Variants in NEDD9 observed in about 807,000 individuals in gnomAD.
NEDD9 encodes the protein enhancer of filamentation 1.
NEDD9 carries 26 observed loss-of-function variants against 76.6 expected under a neutral mutation model. The observed-to-expected ratio is 0.34, with a 90% confidence interval of 0.25 to 0.47. The LOEUF is 0.47. Among genes scored for constraint, NEDD9 ranks in the 20% least tolerant of loss-of-function variants. The pLI is 1.00. For missense variants in NEDD9, 937 were observed against 1,058.5 expected, an observed-to-expected ratio of 0.89 and a Z score of 1.59; for synonymous variants, 392 against 414.2, an observed-to-expected ratio of 0.95 and a Z score of 0.65.
chr6:11,289,972 T>C (rs984586109), intron 3 of NEDD9, among the ~76,000 whole-genome samples: 2 of 152,172 alleles, frequency 1.3e-5, no homozygotes, highest in Non-Finnish European at 2.9e-5. Flanking sequence ...ACCTCTGTAA[T>C]GGTAAAGTCA....
intron 1 of NEDD9, among the ~76,000 whole-genome samples, chr6:11,227,635 C>T (rs1049853362): frequency 6.6e-6 from 1 of 152,166 alleles, no homozygotes; most frequent in African/African-American, 2.4e-5. Context: ...AAGGACTTTT[C>T]GATCAATCTG....
chr6:11,300,622 G>C (rs1761023060), intron 3 of NEDD9, among the ~76,000 whole-genome samples: 1 of 152,184 alleles, frequency 6.6e-6, no homozygotes, highest in Admixed American at 6.5e-5. Flanking sequence ...AGAAAGGTCG[G>C]GTTACCCACA....
chr6:11,366,668 C>T (rs538420675), intron 1 of NEDD9, among the ~76,000 whole-genome samples: 27 of 152,292 alleles, frequency 1.8e-4, no homozygotes, highest in African/African-American at 6.5e-4. Flanking sequence ...AGCGTCTTCA[C>T]ACCAACAACG....
At chr6:11,294,577 G>C (rs1760849202) in intron 3 of NEDD9, among the ~76,000 whole-genome samples, 1 of 152,156 alleles carries the variant, frequency 6.6e-6, no homozygotes, top group Non-Finnish European at 1.5e-5. Context: ...ACCGCCTGCA[G>C]AACTGTGAGC....
chr6:11,376,271 G>A (rs1490443781), intron 1 of NEDD9, among the ~76,000 whole-genome samples: 1 of 152,232 alleles, frequency 6.6e-6, no homozygotes, highest in Admixed American at 6.5e-5. Context: ...CTTTGGAACG[G>A]GGTAAGGGAG....
intron 3 of NEDD9, among the ~76,000 whole-genome samples, chr6:11,246,504 G>T (rs1041077036): frequency 6.6e-6 from 1 of 152,322 alleles, no homozygotes; most frequent in Non-Finnish European, 1.5e-5. Flanking sequence ...TATCATAGAA[G>T]AATCAAGATC....
At chr6:11,335,562 C>A (rs1354303754) in intron 1 of NEDD9, among the ~76,000 whole-genome samples, 1 of 152,212 alleles carries the variant, frequency 6.6e-6, no homozygotes, top group Non-Finnish European at 1.5e-5. Context: ...TTTTGCCTCA[C>A]CCACCATATT....
intron 1 of NEDD9, among the ~76,000 whole-genome samples, chr6:11,345,455 TGAGA>T (rs539473241): frequency 1.3e-5 from 2 of 150,794 alleles, no homozygotes; most frequent in Non-Finnish European, 2.9e-5. Context: ...AGACAGCAGG[TGAGA>T]GAGAGAGAGT....
chr6:11,211,884 G>A (rs1225205375), intron 2 of NEDD9, among the ~76,000 whole-genome samples: 1 of 152,190 alleles, frequency 6.6e-6, no homozygotes, highest in Non-Finnish European at 1.5e-5. Context: ...GTCAGGGTCT[G>A]GGGTGGTGAC....
At position 11,184,894 on chromosome 6, in the gene NEDD9, G is replaced by T; in HGVS notation, c.*268C>A. On this transcript the variant is annotated 3_prime_UTR_variant, in exon 7 of 7. Transcript: ENST00000379446. ...CATCTACAAACAAACATGAATACAT[G>T]GGCATACAAAAGCACGTGGACAAGT... The T allele has an allele frequency of 3.1e-6, 1 of 325,428 alleles. No homozygotes were observed. The highest frequency in any genetic ancestry group is 2.1e-5 in the African/African-American group (1 of 47,480). 20.2% of individuals were successfully genotyped at this position (325,428 alleles called of 1,614,324 possible). A position where few individuals can be genotyped will look rare whatever the true frequency, so the allele number is the denominator to read the frequency against.
intron 2 of NEDD9, chr6:11,199,294 GACAA>G (rs1445993317): frequency 6.6e-6 from 1 of 152,164 alleles, no homozygotes; most frequent in Admixed American, 6.5e-5. Context: ...GGAAGTAATT[GACAA>G]ACAGAAGCTG....
chr6:11,193,359 G>A (rs957599151), intron 3 of NEDD9, among the ~76,000 whole-genome samples: 2 of 146,640 alleles, frequency 1.4e-5, no homozygotes, highest in Admixed American at 1.3e-4. Flanking sequence ...AAGCAAAATT[G>A]TAGAAGAACA....
chr6:11,232,187 C>A (rs963648638), intron 1 of NEDD9, among the ~76,000 whole-genome samples: 38 of 152,148 alleles, frequency 2.5e-4, no homozygotes, highest in African/African-American at 9.2e-4. Flanking sequence ...CAATGCCTGC[C>A]GCGATTCAAG....
At chr6:11,261,067 A>C (rs1341187507) in intron 3 of NEDD9, among the ~76,000 whole-genome samples, 1 of 152,210 alleles carries the variant, frequency 6.6e-6, no homozygotes, top group African/African-American at 2.4e-5. Context: ...AAGTAAGCTC[A>C]CATGTGGCAC....
At chr6:11,257,339 G>C (rs1449392048) in intron 3 of NEDD9, among the ~76,000 whole-genome samples, 1 of 152,186 alleles carries the variant, frequency 6.6e-6, no homozygotes. Context: ...TAACCCCTGG[G>C]AGGCAAAATT....
At chr6:11,287,514 G>C (rs974386851) in intron 3 of NEDD9, among the ~76,000 whole-genome samples, 6 of 139,404 alleles carry the variant, frequency 4.3e-5, no homozygotes, top group African/African-American at 1.9e-4. Context: ...AGGTACAGTA[G>C]TGCACAAATC....
At chr6:11,281,158 T>C (rs1760528845) in intron 3 of NEDD9, among the ~76,000 whole-genome samples, 1 of 152,244 alleles carries the variant, frequency 6.6e-6, no homozygotes, top group Admixed American at 6.5e-5. Flanking sequence ...AATGCTTGTG[T>C]TGCAGATGGT....
chr6:11,325,084 G>A (rs1020605972), intron 2 of NEDD9, among the ~76,000 whole-genome samples: 5 of 152,132 alleles, frequency 3.3e-5, no homozygotes, highest in East Asian at 1.9e-4. Context: ...GGCCGGGCAC[G>A]GTGGATTACG....
intron 3 of NEDD9, among the ~76,000 whole-genome samples, chr6:11,291,260 G>C (rs1366818648): frequency 7.0e-6 from 1 of 143,774 alleles, no homozygotes; most frequent in Non-Finnish European, 1.5e-5. Flanking sequence ...GGCAGAAATA[G>C]AATGAGGTTT....
Sources: allele counts gnomAD v4.1 joint callset (sites outside exome capture counted in the v4.1 genomes callset), GRCh38; gene constraint gnomAD v4.1.1; transcripts MANE v1.5; gene names NCBI Gene and HGNC (gene_info 2026-07-23, HGNC 2026-07-21).